Variants in ITGBL1 observed in about 807,000 individuals in gnomAD.
The protein encoded by ITGBL1 is integrin beta-like protein 1.
ITGBL1 carries 51 observed loss-of-function variants against 68.5 expected under a neutral mutation model. That is an observed-to-expected ratio of 0.74 (90% CI 0.59 to 0.94). The LOEUF (loss-of-function observed/expected upper bound fraction) is 0.94, where lower values mean the gene tolerates loss of function less well. Ranked by LOEUF, ITGBL1 falls within the 40% of genes least tolerant of loss-of-function variation. The pLI, the probability that ITGBL1 is intolerant of heterozygous loss-of-function variation, is 0.00. For synonymous variants in ITGBL1, 209 were observed against 227.3 expected, an observed-to-expected ratio of 0.92 and a Z score of 0.72; for missense variants, 649 against 647.4, an observed-to-expected ratio of 1.00 and a Z score of -0.03.
intron 6 of ITGBL1, among the ~76,000 whole-genome samples, chr13:101,592,147 C>G (rs529502635): frequency 3.9e-5 from 6 of 152,076 alleles, no homozygotes; most frequent in Non-Finnish European, 5.9e-5. Context: ...CTAAACCACA[C>G]CGTTTCTCAC....
chr13:101,453,387 A>C lies in ITGBL1; in HGVS notation c.98+456A>C, dbSNP rs1395254356. Among the ~76,000 whole-genome samples the C allele has an allele frequency of 2.6e-5, 4 of 152,296 alleles. No homozygotes were observed. The East Asian group carries it at 7.7e-4, about 29-fold the overall frequency. On this transcript the variant is annotated intron_variant, in intron 1 of 10. Transcript: ENST00000376180. ...AGTTCCTAAAGACTGCTTAATGCAA[A>C]TTATGCCCGATGCTATCATAGCATG... is the stretch of plus-strand genomic sequence containing the variant.
At chr13:101,636,786 A>G (rs1048398946) in intron 7 of ITGBL1, among the ~76,000 whole-genome samples, 5 of 152,180 alleles carry the variant, frequency 3.3e-5, no homozygotes, top group African/African-American at 1.2e-4. Flanking sequence ...TATCATCTCT[A>G]AAGTTTCTAA....
intron 6 of ITGBL1, among the ~76,000 whole-genome samples, chr13:101,584,283 A>G (rs1379458382): frequency 6.6e-6 from 1 of 152,190 alleles, no homozygotes; most frequent in Non-Finnish European, 1.5e-5. Context: ...AAAATATGTA[A>G]GTCCAGGATG....
chr13:101,538,120 C>T (rs565539007), intron 2 of ITGBL1, among the ~76,000 whole-genome samples: 5 of 151,368 alleles, frequency 3.3e-5, no homozygotes, highest in South Asian at 2.1e-4. Flanking sequence ...GGTTTTTGAC[C>T]GAGACTCAAG....
intron 7 of ITGBL1, among the ~76,000 whole-genome samples, chr13:101,643,355 GCT>G (rs1176646905): frequency 4.0e-5 from 6 of 151,042 alleles, no homozygotes; most frequent in African/African-American, 7.4e-5. Context: ...TCATGATTTG[GCT>G]CTCTGTTTGT....
At chr13:101,510,485 A>G (rs576146317) in intron 2 of ITGBL1, among the ~76,000 whole-genome samples, 28 of 152,138 alleles carry the variant, frequency 1.8e-4, no homozygotes, top group Non-Finnish European at 3.7e-4. Flanking sequence ...ATGCAATATA[A>G]TGATCTATAT....
chr13:101,480,584 C>A (rs182112614), intron 2 of ITGBL1, among the ~76,000 whole-genome samples: 15 of 151,776 alleles, frequency 9.9e-5, no homozygotes, highest in Non-Finnish European at 1.9e-4. Context: ...CCCCATTTAC[C>A]CTGATGTGAT....
At chr13:101,492,875 G>T (rs1482721616) in intron 2 of ITGBL1, among the ~76,000 whole-genome samples, 2 of 152,154 alleles carry the variant, frequency 1.3e-5, no homozygotes, top group Non-Finnish European at 2.9e-5. Flanking sequence ...CATTGCTTCT[G>T]TAATAATCCT....
chr13:101,495,882 T>C (rs1175189660), intron 2 of ITGBL1, among the ~76,000 whole-genome samples: 1 of 152,200 alleles, frequency 6.6e-6, no homozygotes, highest in Admixed American at 6.5e-5. Context: ...CAAATAATAC[T>C]GTAATTCTAG....
At chr13:101,672,444 A>G (rs1594970418) in intron 7 of ITGBL1, among the ~76,000 whole-genome samples, 1 of 152,234 alleles carries the variant, frequency 6.6e-6, no homozygotes, top group Admixed American at 6.5e-5. Context: ...GGAAGAAACT[A>G]CCTGGGAATA....
chr13:101,625,618 T>C (rs994165529), intron 7 of ITGBL1, among the ~76,000 whole-genome samples: 1 of 152,018 alleles, frequency 6.6e-6, no homozygotes, highest in Non-Finnish European at 1.5e-5. Context: ...AATTGCACGA[T>C]CTAGGCTCAC....
chr13:101,591,380 G>C (rs529472919), intron 6 of ITGBL1, among the ~76,000 whole-genome samples: 1 of 152,062 alleles, frequency 6.6e-6, no homozygotes, highest in East Asian at 1.9e-4. Context: ...TTCAACTGAG[G>C]TCTAGAACAG....
intron 7 of ITGBL1, among the ~76,000 whole-genome samples, chr13:101,647,741 AG>A (rs1261928194): frequency 1.3e-5 from 2 of 152,184 alleles, no homozygotes; most frequent in Non-Finnish European, 2.9e-5. Flanking sequence ...AGACTTTTAA[AG>A]CCACCAGCCC....
intron 8 of ITGBL1, among the ~76,000 whole-genome samples, chr13:101,697,675 T>A (rs965479890): frequency 6.6e-5 from 10 of 152,184 alleles, no homozygotes; most frequent in African/African-American, 2.4e-4. Context: ...TATGTATTTG[T>A]TTGACCTGTC....
chr13:101,466,558 C>T (rs1409648124), intron 2 of ITGBL1, among the ~76,000 whole-genome samples: 7 of 152,142 alleles, frequency 4.6e-5, no homozygotes, highest in Non-Finnish European at 1.0e-4. Context: ...TTGTATGCTC[C>T]CATCTCTCTA....
chr13:101,557,736 C>G (rs1335497281), intron 2 of ITGBL1, among the ~76,000 whole-genome samples: 1 of 151,988 alleles, frequency 6.6e-6, no homozygotes. Flanking sequence ...GTTAAGTTCT[C>G]AGGCTTGAGA....
intron 2 of ITGBL1, among the ~76,000 whole-genome samples, chr13:101,549,074 G>T (rs1359323374): frequency 6.6e-6 from 1 of 151,774 alleles, no homozygotes; most frequent in Non-Finnish European, 1.5e-5. Context: ...ATCAACATAA[G>T]ATTATACAGA....
intron 2 of ITGBL1, among the ~76,000 whole-genome samples, chr13:101,519,126 A>C (rs2049242712): frequency 6.6e-6 from 1 of 152,158 alleles, no homozygotes; most frequent in Non-Finnish European, 1.5e-5. Flanking sequence ...CCGTAATGGA[A>C]TATCAAGGGG....
At chr13:101,692,509 G>A in intron 7 of ITGBL1, 76 bp from the exon 8 acceptor site, 1 of 937,218 alleles carries the variant, frequency 1.1e-6, no homozygotes, top group Non-Finnish European at 1.8e-6. Context: ...GGGTTTAATA[G>A]TGTGCTCACC....
Sources: allele counts gnomAD v4.1 joint callset (sites outside exome capture counted in the v4.1 genomes callset), GRCh38; gene constraint gnomAD v4.1.1; transcripts MANE v1.5; gene names NCBI Gene and HGNC (gene_info 2026-07-23, HGNC 2026-07-21).